Variants in KMT2C observed in about 807,000 individuals in gnomAD.
KMT2C encodes the protein lysine methyltransferase 2C.
KMT2C carries 88 observed loss-of-function variants against 507.9 expected under a neutral mutation model. The observed-to-expected ratio is 0.17, with a 90% CI of 0.15 to 0.21. The LOEUF is 0.21. Among genes scored for constraint, KMT2C ranks in the 10% least tolerant of loss-of-function variants. KMT2C has a pLI of 1.00. For missense variants in KMT2C, 4,954 were observed against 5,957.8 expected, an observed-to-expected ratio of 0.83 and a Z score of 5.55; for synonymous variants, 2,049 against 2,080.8, an observed-to-expected ratio of 0.98 and a Z score of 0.42.
chr7:152,326,653 T>A (rs1174915004), intron 3 of KMT2C, among the ~76,000 whole-genome samples: 1 of 152,044 alleles, frequency 6.6e-6, no homozygotes, highest in Non-Finnish European at 1.5e-5. Context: ...GGCCGAGATG[T>A]GCAGATCACG....
chr7:152,161,333 A>G (rs1184615444), intron 43 of KMT2C, among the ~76,000 whole-genome samples: 6 of 152,224 alleles, frequency 3.9e-5, no homozygotes, highest in Non-Finnish European at 8.8e-5. Flanking sequence ...CTCAACCCTT[A>G]ATTAAAATAT....
At chr7:152,249,800 A>G in intron 13 of KMT2C, 76 bp downstream of exon 13, 1 of 845,354 alleles carries the variant, frequency 1.2e-6, no homozygotes, top group Non-Finnish European at 2.0e-6. Context: ...ACATACAGCA[A>G]TCGCAAAAAT....
rs564655613 is a variant in KMT2C, at chr7:152,425,287, CACTT to C, written c.161+10335_161+10338del. Among the ~76,000 whole-genome samples the C allele has an allele frequency of 9.2e-5, 14 of 152,142 alleles. No individual in the cohort carries two copies. The South Asian group carries it at 2.7e-3, about 29-fold the overall frequency. On this transcript the variant is annotated intron_variant, in intron 1 of 58. Transcript: ENST00000262189. Reference sequence around the variant, plus strand: ...AAGTATGAAAGTCTAATATAAGAAACACTTAGGGCCAGGCACAGTGGCTCACACC... The same window carrying C: ...AAGTATGAAAGTCTAATATAAGAAACAGGGCCAGGCACAGTGGCTCACACC...
At chr7:152,400,365 T>G (rs1273329799) in intron 1 of KMT2C, among the ~76,000 whole-genome samples, 1 of 152,144 alleles carries the variant, frequency 6.6e-6, no homozygotes. Flanking sequence ...TTTCAAGAAG[T>G]GAAGCACATA....
At chr7:152,186,796 T>G (rs1290406584) in intron 33 of KMT2C, among the ~76,000 whole-genome samples, 1 of 152,206 alleles carries the variant, frequency 6.6e-6, no homozygotes, top group African/African-American at 2.4e-5. Context: ...TTTCACAAAC[T>G]GTACTATTAT....
chr7:152,330,527 G>T, intron 3 of KMT2C, 74 bp downstream of exon 3: 4 of 1,435,946 alleles, frequency 2.8e-6, no homozygotes, highest in Non-Finnish European at 3.9e-6. Flanking sequence ...CATACTCCTT[G>T]AATTTTCTCT....
Position 152,194,503 on chromosome 7 carries a change from G to A in KMT2C, c.4444C>T (p.Pro1482Ser), listed in dbSNP as rs2129129670. Residue 1482 changes from proline (P) to serine (S), a missense_variant, in exon 29 of 59, where the codon CCA becomes TCA. Physicochemically the swap from Pro to Ser is moderately conservative, Grantham distance 74 (BLOSUM62 -1). Transcript: ENST00000262189. Reference sequence around the variant, plus strand: ...CCATCTAGCTGTTCTTCACTTAATGGTCGTGAACTCTGATTGACATTTGGC... The same window carrying A: ...CCATCTAGCTGTTCTTCACTTAATGATCGTGAACTCTGATTGACATTTGGC... ...PQPNVNQSSRPLSEEQLDGIL... is the reference protein window; with the variant it reads ...PQPNVNQSSRSLSEEQLDGIL... The A allele has an allele frequency of 6.2e-7, 1 of 1,612,528 alleles. No individual in the cohort carries two copies. The highest frequency in any genetic ancestry group is 8.5e-7 in the Non-Finnish European group (1 of 1,178,722).
chr7:152,306,920 A>G (rs1172848850), intron 6 of KMT2C, among the ~76,000 whole-genome samples: 2 of 152,186 alleles, frequency 1.3e-5, no homozygotes, highest in Admixed American at 6.5e-5. Context: ...GTACTTCGGG[A>G]GGATGAGGTG....
intron 14 of KMT2C, among the ~76,000 whole-genome samples, chr7:152,243,779 C>T (rs1218900664): frequency 7.9e-5 from 12 of 152,142 alleles, no homozygotes; most frequent in Non-Finnish European, 1.5e-4. Context: ...AAGACTCAAT[C>T]TCAAAATAAA....
At chr7:152,425,693 G>A (rs911315460) in intron 1 of KMT2C, among the ~76,000 whole-genome samples, 1 of 152,136 alleles carries the variant, frequency 6.6e-6, no homozygotes, top group Non-Finnish European at 1.5e-5. Flanking sequence ...ATTCAACTAT[G>A]TGCTTATTCC....
At chr7:152,384,040 GTGTC>G (rs2097398472) in intron 1 of KMT2C, among the ~76,000 whole-genome samples, 1 of 147,384 alleles carries the variant, frequency 6.8e-6, no homozygotes, top group Non-Finnish European at 1.5e-5. Flanking sequence ...GCAGACATGT[GTGTC>G]TGTGTGTGTG....
chr7:152,407,851 T>C (rs1004789024), intron 1 of KMT2C, among the ~76,000 whole-genome samples: 7 of 152,262 alleles, frequency 4.6e-5, no homozygotes, highest in African/African-American at 1.7e-4. Context: ...ACACTTTATA[T>C]TAGAAGCAGC....
At chr7:152,417,016 T>G (rs1229530706) in intron 1 of KMT2C, among the ~76,000 whole-genome samples, 2 of 137,266 alleles carry the variant, frequency 1.5e-5, no homozygotes, top group Admixed American at 1.6e-4. Context: ...ACCACTGCAC[T>G]CTAGCCTGGG....
intron 3 of KMT2C, among the ~76,000 whole-genome samples, chr7:152,316,967 C>T (rs1451349565): frequency 6.6e-6 from 1 of 152,118 alleles, no homozygotes; most frequent in East Asian, 1.9e-4. Context: ...TTTATTTCAC[C>T]ATATCCCATT....
intron 1 of KMT2C, among the ~76,000 whole-genome samples, chr7:152,413,769 C>G (rs1010296176): frequency 1.3e-5 from 2 of 150,746 alleles, no homozygotes; most frequent in African/African-American, 4.9e-5. Flanking sequence ...CCTGTAATCC[C>G]AGCTACTTGG....
rs2129120492 is a variant in KMT2C at position 152,181,895 on chromosome 7, C to T, written c.5965G>A (p.Val1989Ile). 6.2e-7 allele frequency: 1 copy of T among 1,614,162 alleles called. No individual in the cohort carries two copies. The change falls in exon 36 of 59, where the codon GTA (valine) becomes ATA (isoleucine). Residue 1989 changes from valine (V) to isoleucine (I), a missense_variant. Val to Ile is a conservative substitution (Grantham distance 29). Transcript: ENST00000262189. ...PKSLGLSRSP[V>I]VSEQTAKGPI... ...CCTTTTGCAGTTTGTTCTGAAACTA[C>T]AGGAGACCGGGATAGGCCCAAGGAT... is the stretch of plus-strand genomic sequence containing the variant.
chr7:152,386,424 T>A (rs2097427224), intron 1 of KMT2C, among the ~76,000 whole-genome samples: 1 of 152,306 alleles, frequency 6.6e-6, no homozygotes, highest in Non-Finnish European at 1.5e-5. Flanking sequence ...TTCCAGGAAC[T>A]GTGCTTAGCA....
rs1352961429 is a variant in KMT2C at position 152,182,473 on chromosome 7, T to C, written c.5387A>G (p.Gln1796Arg). 6.2e-7 allele frequency: 1 copy of C among 1,614,068 alleles called. No individual in the cohort carries two copies. Among genetic ancestry groups the C allele is most frequent in the Non-Finnish European group, 8.5e-7 (1 of 1,180,012 alleles). ...QQFGSQHLLV[Q>R]SGSDTPSSGI... ...ACTACTTGGTGTATCTGAACCAGAC[T>C]GCACCAGAAGATGCTGAGAACCAAA... is the stretch of plus-strand genomic sequence containing the variant. Residue 1796 changes from glutamine to arginine, a missense_variant, in exon 36 of 59, where the codon CAG (glutamine) becomes CGG (arginine). Physicochemically the swap from Gln to Arg is conservative, Grantham distance 43 (BLOSUM62 1). This residue lies in a region of KMT2C where 1,689 missense variants were observed against 1,654.3 expected (regional missense o/e 1.02). Transcript: ENST00000262189.
At chr7:152,435,372 C>T (rs980837996) in intron 1 of KMT2C, among the ~76,000 whole-genome samples, 1 of 151,532 alleles carries the variant, frequency 6.6e-6, no homozygotes, top group Non-Finnish European at 1.5e-5. Flanking sequence ...AAAGGCCCGA[C>T]TGAAAAGTAA....
Sources: gnomAD v4.1 joint callset for allele counts (sites outside exome capture counted in the v4.1 genomes callset) on GRCh38, gnomAD v4.1.1 for gene constraint, gnomAD v4.1.1 regional missense constraint, MANE v1.5 for transcripts, NCBI Gene and HGNC (gene_info 2026-07-23, HGNC 2026-07-21) for gene names.